ISOC1: variants seen among roughly 807,000 people sequenced by gnomAD.
The protein encoded by ISOC1 is isochorismatase domain containing 1.
ISOC1 carries 33 observed loss-of-function variants against 30.0 expected under a neutral mutation model. The observed-to-expected ratio is 1.10, with a 90% CI of 0.83 to 1.47. The LOEUF is 1.47. ISOC1 is among the 40% of genes most tolerant of loss of function. ISOC1 has a pLI of 0.00. For missense variants in ISOC1, 372 were observed against 388.0 expected (o/e 0.96, Z 0.35); for synonymous variants, 178 against 159.8 (o/e 1.11, Z -0.86).
chr5:129,107,003 C>G lies in ISOC1; in HGVS notation c.691C>G (p.His231Asp). Reference protein sequence around the residue: ...LELVGRGVEVHIVADATSSRS... With the variant: ...LELVGRGVEVDIVADATSSRS... The stretch of plus-strand genomic sequence containing the variant: ...GCTAGTTGGCCGAGGAGTCGAGGTT[C>G]ACATTGTTGCTGATGCCACCTCATC... The change falls in exon 4 of 5, where the codon CAC (histidine) becomes GAC (aspartate). Residue 231 changes from histidine to aspartate, a missense_variant. Physicochemically the swap from His to Asp is moderately conservative, Grantham distance 81. Coordinates refer to ENST00000173527, the MANE Select transcript of ISOC1 (RefSeq NM_016048.2). 1 of 1,613,852 alleles carries G rather than the reference C, an allele frequency of 6.2e-7. No individual in the cohort carries two copies.
At chr5:129,103,369 AG>A (rs1753593869) in intron 1 of ISOC1, among the ~76,000 whole-genome samples, 1 of 152,232 alleles carries the variant, frequency 6.6e-6, no homozygotes, top group South Asian at 2.1e-4. Context: ...GCAAAGAAAC[AG>A]CCAAAGCTAG....
At chr5:129,105,547 C>T (rs1753627458) in intron 3 of ISOC1, among the ~76,000 whole-genome samples, 159 bp downstream of exon 3, 1 of 152,110 alleles carries the variant, frequency 6.6e-6, no homozygotes. Flanking sequence ...CTGATCTGAA[C>T]ATTTTATAGC....
rs143499052 is a variant in ISOC1, at chr5:129,103,600, A to G, written c.310-1356A>G. On this transcript the variant is annotated intron_variant, in intron 1 of 4. Coordinates refer to ENST00000173527, the MANE Select transcript of ISOC1 (RefSeq NM_016048.2). Reference sequence around the variant, plus strand: ...CAGGACATAGATAAAACAAAGTGCAAACCAATTAGAACAGTTATATCATTA... The same window carrying G: ...CAGGACATAGATAAAACAAAGTGCAGACCAATTAGAACAGTTATATCATTA... Among the ~76,000 whole-genome samples the G allele has an allele frequency of 5.3e-3, 809 of 152,298 alleles. 9 individuals are homozygous for G. The highest frequency in any genetic ancestry group is 0.019 in the African/African-American group (783 of 41,570).
At chr5:129,097,520 GA>G (rs975419327) in intron 1 of ISOC1, among the ~76,000 whole-genome samples, 11 of 152,094 alleles carry the variant, frequency 7.2e-5, no homozygotes, top group Non-Finnish European at 1.6e-4. Flanking sequence ...GGCTGTAAGA[GA>G]CCATACAGTT....
chr5:129,103,202 A>G (rs1292344637), intron 1 of ISOC1, among the ~76,000 whole-genome samples: 2 of 152,164 alleles, frequency 1.3e-5, no homozygotes, highest in Non-Finnish European at 2.9e-5. Flanking sequence ...TCAATATTTG[A>G]TGTTTACAGA....
intron 4 of ISOC1, 26 bp downstream of exon 4, chr5:129,107,088 C>A: frequency 6.5e-7 from 1 of 1,542,728 alleles, no homozygotes; most frequent in South Asian, 1.1e-5. Flanking sequence ...GGGAATAGAT[C>A]ATTTGTCAAG....
chr5:129,111,782 GTC>G (rs1462180404), intron 4 of ISOC1, among the ~76,000 whole-genome samples: 11 of 151,648 alleles, frequency 7.3e-5, no homozygotes, highest in African/African-American at 2.4e-4. Flanking sequence ...TCTCCTTTCT[GTC>G]TCTCTTTTCC....
At chr5:129,106,443 A>T (rs1250477786) in intron 3 of ISOC1, among the ~76,000 whole-genome samples, 1 of 152,070 alleles carries the variant, frequency 6.6e-6, no homozygotes, top group Non-Finnish European at 1.5e-5. Flanking sequence ...TGAACTGGGT[A>T]TTTTTTTCCC....
intron 4 of ISOC1, among the ~76,000 whole-genome samples, 192 bp from the exon 5 acceptor site, chr5:129,112,663 A>T (rs1753723647): frequency 6.6e-6 from 1 of 152,084 alleles, no homozygotes; most frequent in Admixed American, 6.6e-5. Context: ...ACTAATATTA[A>T]GAATAATCAT....
intron 4 of ISOC1, among the ~76,000 whole-genome samples, chr5:129,110,845 G>A (rs970362824): frequency 9.9e-5 from 15 of 152,146 alleles, no homozygotes; most frequent in African/African-American, 3.4e-4. Context: ...TGGCACATTG[G>A]AGTATACAGT....
chr5:129,094,849 T>G lies in ISOC1; in HGVS notation c.83T>G (p.Val28Gly), dbSNP rs1349401117. ...GAGAPSGTVPVLFCFSVFARP... is the reference protein window; with the variant it reads ...GAGAPSGTVPGLFCFSVFARP... ...GGGGCGCCGTCGGGCACAGTCCCGG[T>G]GCTCTTCTGTTTCTCAGTCTTCGCG... is the stretch of plus-strand genomic sequence containing the variant. The change falls in exon 1 of 5, where the codon GTG (valine) becomes GGG (glycine). Residue 28 changes from valine (V) to glycine (G), a missense_variant. Transcript: ENST00000173527. The G allele has an allele frequency of 6.4e-7, 1 of 1,570,714 alleles. No homozygotes were observed. The highest frequency in any genetic ancestry group is 8.6e-7 in the Non-Finnish European group (1 of 1,160,546).
chr5:129,100,129 C>T (rs1318031206), intron 1 of ISOC1, among the ~76,000 whole-genome samples: 1 of 152,200 alleles, frequency 6.6e-6, no homozygotes, highest in Non-Finnish European at 1.5e-5. Context: ...CCCAGGTCCC[C>T]TTCCAGACTT....
intron 4 of ISOC1, among the ~76,000 whole-genome samples, chr5:129,112,121 A>G (rs1753716064): frequency 6.6e-6 from 1 of 152,208 alleles, no homozygotes. Flanking sequence ...GTTTTAATCC[A>G]ATTAAACAAT....
chr5:129,105,837 T>C (rs1753630911), intron 3 of ISOC1, among the ~76,000 whole-genome samples: 3 of 152,228 alleles, frequency 2.0e-5, no homozygotes, highest in Non-Finnish European at 4.4e-5. Context: ...ATCATGTATG[T>C]ATCTTTTTAC....
At chr5:129,107,530 A>G (rs1051782425) in intron 4 of ISOC1, among the ~76,000 whole-genome samples, 2 of 152,198 alleles carry the variant, frequency 1.3e-5, no homozygotes, top group African/African-American at 4.8e-5. Context: ...ATAACATCAC[A>G]ACAATAAAAA....
intron 1 of ISOC1, among the ~76,000 whole-genome samples, chr5:129,103,647 G>A (rs1277948371): frequency 6.6e-6 from 1 of 152,150 alleles, no homozygotes; most frequent in Non-Finnish European, 1.5e-5. Flanking sequence ...TTTCTTAATG[G>A]TTAATTTAAT....
At chr5:129,105,701 A>G (rs1343729810) in intron 3 of ISOC1, among the ~76,000 whole-genome samples, 3 of 152,164 alleles carry the variant, frequency 2.0e-5, no homozygotes, top group African/African-American at 7.2e-5. Context: ...CTGTATTTTT[A>G]ACTACTACTT....
intron 4 of ISOC1, 27 bp downstream of exon 4, chr5:129,107,089 A>T: frequency 6.5e-7 from 1 of 1,537,750 alleles, no homozygotes; most frequent in Non-Finnish European, 9.0e-7. Context: ...GGAATAGATC[A>T]TTTGTCAAGT....
intron 1 of ISOC1, among the ~76,000 whole-genome samples, chr5:129,096,018 G>A (rs1313466500): frequency 6.6e-6 from 1 of 152,100 alleles, no homozygotes; most frequent in Non-Finnish European, 1.5e-5. Context: ...TGGGATTCGG[G>A]GATAAAAGGT....
Sources: allele counts gnomAD v4.1 joint callset (sites outside exome capture counted in the v4.1 genomes callset), GRCh38; gene constraint gnomAD v4.1.1; transcripts MANE v1.5; gene names NCBI Gene and HGNC (gene_info 2026-07-23, HGNC 2026-07-21).